NTF3: variants seen among roughly 807,000 people sequenced by gnomAD.
NTF3 encodes neurotrophin-3.
A neutral mutation model predicts 26.3 loss-of-function variants in NTF3; 8 were observed. The ratio of observed to expected loss-of-function variants is 0.30; its 90% CI spans 0.18 to 0.55. NTF3 has a LOEUF of 0.55. NTF3 is among the 20% of genes least tolerant of loss of function. NTF3 has a pLI of 0.93. For synonymous variants in NTF3, 154 were observed against 145.5 expected (o/e 1.06, Z -0.42); for missense variants, 276 against 352.9 (o/e 0.78, Z 1.75).
chr12:5,495,007 A>G lies in NTF3; in HGVS notation c.*19A>G, dbSNP rs1332351001. On this transcript the variant is annotated 3_prime_UTR_variant, in exon 2 of 2. Coordinates refer to ENST00000423158, the MANE Select transcript of NTF3 (RefSeq NM_001102654.2). ...AACATGAATTGGCATCTCTCCCCAT[A>G]TATAAATTATTACTTTAAATTATAT... The G allele has an allele frequency of 1.9e-6, 3 of 1,593,268 alleles. No homozygotes were observed. The highest frequency in any genetic ancestry group is 2.6e-6 in the Non-Finnish European group (3 of 1,168,786).
At chr12:5,444,722 A>G (rs1398513144) in intron 1 of NTF3, among the ~76,000 whole-genome samples, 1 of 152,144 alleles carries the variant, frequency 6.6e-6, no homozygotes, top group Non-Finnish European at 1.5e-5. Flanking sequence ...GGCACAATTA[A>G]GCTTTTGTTT....
chr12:5,467,304 G>A (rs7957031), intron 1 of NTF3, among the ~76,000 whole-genome samples: 19,808 of 148,602 alleles, frequency 0.13, 1,610 homozygotes, highest in Middle Eastern at 0.21. Context: ...GCAATGGGAG[G>A]GAAATTTTAA....
chr12:5,452,334 A>G (rs1940385083), intron 1 of NTF3, among the ~76,000 whole-genome samples: 2 of 151,756 alleles, frequency 1.3e-5, no homozygotes, highest in Admixed American at 1.3e-4. Flanking sequence ...TGACCTCGTG[A>G]TCCACCCGCC....
upstream of NTF3, among the ~76,000 whole-genome samples, chr12:5,430,666 C>T (rs1940073684): frequency 6.6e-6 from 1 of 151,364 alleles, no homozygotes; most frequent in African/African-American, 2.4e-5. Context: ...GGTGCAGTTC[C>T]GATGTTTAAC....
chr12:5,438,096 G>A (rs1001441954), intron 1 of NTF3, among the ~76,000 whole-genome samples: 1 of 151,970 alleles, frequency 6.6e-6, no homozygotes, highest in African/African-American at 2.4e-5. Flanking sequence ...TGAAGTATGA[G>A]GCCAGTGTAG....
intron 1 of NTF3, among the ~76,000 whole-genome samples, chr12:5,464,842 T>TG (rs945296086): frequency 1.2e-4 from 18 of 152,154 alleles, no homozygotes; most frequent in Non-Finnish European, 1.5e-5. Context: ...ATCCCAGGGT[T>TG]GGGGGGTAGA....
rs1436447263 is a variant in NTF3, at chr12:5,484,434, T to C, written c.19-9760T>C. Reference sequence around the variant, plus strand: ...ACTAGAAAGAACCTTTGAAAATCTTTAGTTCAAGAATTCTAAACCTAAAAT... The same window carrying C: ...ACTAGAAAGAACCTTTGAAAATCTTCAGTTCAAGAATTCTAAACCTAAAAT... On this transcript the variant is annotated intron_variant, in intron 1 of 1. Transcript: ENST00000423158. 2.0e-5 allele frequency among the ~76,000 whole-genome samples: 3 copies of C among 152,348 alleles called. No homozygotes were observed. The East Asian group carries it at 5.8e-4, about 29-fold the overall frequency.
chr12:5,451,979 G>A (rs983265456), intron 1 of NTF3, among the ~76,000 whole-genome samples: 7 of 150,308 alleles, frequency 4.7e-5, no homozygotes, highest in Admixed American at 2.0e-4. Context: ...AGGCGTGAGC[G>A]ACCATGCCCA....
chr12:5,453,853 A>T (rs942524215), intron 1 of NTF3, among the ~76,000 whole-genome samples: 1 of 152,198 alleles, frequency 6.6e-6, no homozygotes, highest in Non-Finnish European at 1.5e-5. Context: ...TGTGTAGGGT[A>T]GAGTTTGAGT....
At chr12:5,431,780 T>TA (rs1555140905), upstream of NTF3, among the ~76,000 whole-genome samples, 1 of 152,184 alleles carries the variant, frequency 6.6e-6, no homozygotes, top group Non-Finnish European at 1.5e-5. Flanking sequence ...TGTAACCTGT[T>TA]ACGATACATT....
rs1404718045 is a variant in NTF3, at chr12:5,433,138, C to T, written c.18+796C>T. 6.6e-6 allele frequency: 1 copy of T among 152,278 alleles called. No individual in the cohort carries two copies. Among genetic ancestry groups the T allele is most frequent in the East Asian group, 1.9e-4 (1 of 5,184 alleles). 9.4% of individuals were successfully genotyped at this position (152,278 alleles called of 1,614,324 possible). ...TCTTGGCCAGCGCCCACCCGGTGGC[C>T]ACCCCACCCTGGGCCTTTGCGCAGA... is the stretch of plus-strand genomic sequence containing the variant. On this transcript the variant is annotated intron_variant, in intron 1 of 1. Transcript: ENST00000423158. This position sits in a 1 kb window ranked among gnomAD's most constrained non-coding sequence, Gnocchi z 4.6.
intron 1 of NTF3, among the ~76,000 whole-genome samples, chr12:5,432,607 A>G (rs868060556): frequency 0.015 from 1,949 of 132,726 alleles, 21 homozygotes; most frequent in Non-Finnish European, 0.023. Context: ...ACACACACAC[A>G]GACACGGACA....
intron 1 of NTF3, among the ~76,000 whole-genome samples, chr12:5,477,027 A>G (rs1940732590): frequency 6.6e-6 from 1 of 152,212 alleles, no homozygotes; most frequent in South Asian, 2.1e-4. Flanking sequence ...ATAATAAGGA[A>G]AAAACATCTC....
chr12:5,466,892 C>T (rs1446524520), intron 1 of NTF3, among the ~76,000 whole-genome samples: 1 of 152,048 alleles, frequency 6.6e-6, no homozygotes, highest in Non-Finnish European at 1.5e-5. Context: ...AGGGAGGAAG[C>T]AACAGGGACC....
chr12:5,446,032 C>T (rs1185689881), intron 1 of NTF3, among the ~76,000 whole-genome samples: 1 of 152,148 alleles, frequency 6.6e-6, no homozygotes, highest in African/African-American at 2.4e-5. Context: ...GGGAGAAAGA[C>T]CAGCATCCAT....
At chr12:5,455,363 A>G (rs1940425201) in intron 1 of NTF3, among the ~76,000 whole-genome samples, 1 of 152,112 alleles carries the variant, frequency 6.6e-6, no homozygotes, top group Non-Finnish European at 1.5e-5. Context: ...AGCGTAACCC[A>G]TGACTGCCTG....
Position 5,495,135 on chromosome 12 carries a change from C to T in NTF3, c.*147C>T. 1 of 879,218 alleles carries T rather than the reference C, an allele frequency of 1.1e-6. No individual in the cohort carries two copies. Among genetic ancestry groups the T allele is most frequent in the Non-Finnish European group, 1.7e-6 (1 of 586,474 alleles). The allele number at this position is 879,218 out of a possible 1,614,324, so 54.5% of individuals were successfully genotyped here. A position where few individuals can be genotyped will look rare whatever the true frequency, so the allele number is the denominator to read the frequency against. ...CCCTACAGTATATAAGCTTTTTTCT[C>T]AATAAAATCAGTGTGCTTGCCTTCC... On this transcript the variant is annotated 3_prime_UTR_variant, in exon 2 of 2. Coordinates refer to ENST00000423158, the MANE Select transcript of NTF3 (RefSeq NM_001102654.2).
chr12:5,495,086 C>T lies in NTF3; in HGVS notation c.*98C>T. On this transcript the variant is annotated 3_prime_UTR_variant, in exon 2 of 2. Transcript: ENST00000423158. Reference sequence around the variant, plus strand: ...ATTGTTTTTATATATTATAAGTTGACCTTTATTTATTAAACTTCAGCAACC... The same window carrying T: ...ATTGTTTTTATATATTATAAGTTGATCTTTATTTATTAAACTTCAGCAACC... 7.7e-7 allele frequency: 1 copy of T among 1,303,910 alleles called. No homozygotes were observed. The highest frequency in any genetic ancestry group is 1.1e-6 in the Non-Finnish European group (1 of 947,760). 80.8% of individuals were successfully genotyped at this position (1,303,910 alleles called of 1,614,324 possible).
At chr12:5,438,939 G>A (rs1360647980) in intron 1 of NTF3, among the ~76,000 whole-genome samples, 1 of 152,190 alleles carries the variant, frequency 6.6e-6, no homozygotes, top group African/African-American at 2.4e-5. Context: ...ACCCTGGCAC[G>A]CCCTTAACGA....
Sources: allele counts gnomAD v4.1 joint callset (sites outside exome capture counted in the v4.1 genomes callset), GRCh38; gene constraint gnomAD v4.1.1; non-coding constraint Gnocchi (gnomAD v3.1); transcripts MANE v1.5; gene names NCBI Gene and HGNC (gene_info 2026-07-23, HGNC 2026-07-21).